PCDHA6: variants seen among roughly 807,000 people sequenced by gnomAD.
The protein encoded by PCDHA6 is protocadherin alpha 6.
Under a neutral mutation model 60.3 loss-of-function variants are expected in PCDHA6, and 55 were observed. That is an observed-to-expected ratio of 0.91 (90% confidence interval 0.73 to 1.14). PCDHA6 has a LOEUF of 1.14. Ranked by LOEUF, PCDHA6 falls within the 50% of genes most tolerant of loss-of-function variation. PCDHA6 has a pLI of 0.00. For synonymous variants in PCDHA6, 652 were observed against 557.9 expected (o/e 1.17, Z -2.38); for missense variants, 1,327 against 1,256.5 (o/e 1.06, Z -0.85).
intron 1 of PCDHA6, chr5:140,850,811 C>T: frequency 6.3e-7 from 1 of 1,598,320 alleles, no homozygotes; most frequent in Non-Finnish European, 8.6e-7. Flanking sequence ...TCATGGCCTT[C>T]AGCCCGGGCC....
intron 1 of PCDHA6, chr5:140,853,641 A>G (rs1211855290): frequency 1.0e-6 from 1 of 988,686 alleles, no homozygotes; most frequent in East Asian, 1.1e-4. Context: ...ACAGACCTAA[A>G]TTGAGCCTGT....
At chr5:140,988,556 C>A (rs574182013) in intron 3 of PCDHA6, among the ~76,000 whole-genome samples, 1 of 152,158 alleles carries the variant, frequency 6.6e-6, no homozygotes, top group South Asian at 2.1e-4. Flanking sequence ...TCTTCATCTT[C>A]TTCTTGGGAA....
Position 140,845,338 on chromosome 5 carries a change from C to T in PCDHA6, c.2394+14853C>T, listed in dbSNP as rs1446184837. Among the ~76,000 whole-genome samples the T allele has an allele frequency of 1.2e-4, 18 of 149,418 alleles. 2 individuals carry two copies. The highest frequency in any genetic ancestry group is 4.4e-4 in the African/African-American group (18 of 40,812). ...GTATTACTTTAATTACTGAATTCTCCTAAACATTTAATTGACTTTTACAAA... is the reference window on the plus strand; with the variant it reads ...GTATTACTTTAATTACTGAATTCTCTTAAACATTTAATTGACTTTTACAAA... On this transcript the variant is annotated intron_variant, in intron 1 of 3. Coordinates refer to ENST00000529310, the MANE Select transcript of PCDHA6 (RefSeq NM_018909.4).
Position 140,959,507 on chromosome 5 carries a change from T to C in PCDHA6, c.2395-19442T>C, listed in dbSNP as rs144994756. 4.4e-3 allele frequency among the ~76,000 whole-genome samples: 673 copies of C among 152,282 alleles called. 7 individuals are homozygous for C. Among genetic ancestry groups the C allele is most frequent in the African/African-American group, 0.015 (604 of 41,550 alleles). On this transcript the variant is annotated intron_variant, in intron 1 of 3. Coordinates refer to ENST00000529310, the MANE Select transcript of PCDHA6 (RefSeq NM_018909.4). Reference sequence around the variant, plus strand: ...GTTATATATGGATCAAACTAAAAAATTTTAAGATCTTTAAGACCATTAATT... The same window carrying C: ...GTTATATATGGATCAAACTAAAAAACTTTAAGATCTTTAAGACCATTAATT...
intron 1 of PCDHA6, among the ~76,000 whole-genome samples, chr5:140,926,200 G>A (rs1050721250): frequency 6.6e-6 from 1 of 151,674 alleles, no homozygotes; most frequent in Non-Finnish European, 1.5e-5. Context: ...ACTTCTTTCG[G>A]GGGGCTCCTG....
chr5:140,967,084 TC>T, intron 1 of PCDHA6: 2 of 1,613,270 alleles, frequency 1.2e-6, no homozygotes, highest in African/African-American at 2.7e-5. Flanking sequence ...AGCGCATTGA[TC>T]GGGAGGCGCT....
chr5:140,946,374 C>T (rs1371899868), intron 1 of PCDHA6, among the ~76,000 whole-genome samples: 5 of 151,656 alleles, frequency 3.3e-5, no homozygotes, highest in African/African-American at 9.7e-5. Flanking sequence ...CTCTTGCACA[C>T]GGTTGGTAGG....
chr5:140,922,498 G>C (rs2080865421), intron 1 of PCDHA6, among the ~76,000 whole-genome samples: 1 of 152,230 alleles, frequency 6.6e-6, no homozygotes, highest in African/African-American at 2.4e-5. Context: ...CTGAGAGTGA[G>C]CAGATGCACC....
At chr5:140,873,113 C>T (rs2054104761) in intron 1 of PCDHA6, among the ~76,000 whole-genome samples, 1 of 152,114 alleles carries the variant, frequency 6.6e-6, no homozygotes, top group Admixed American at 6.5e-5. Flanking sequence ...TACCATTTGG[C>T]ACAATATTCA....
chr5:140,945,516 A>C (rs1192013721), intron 1 of PCDHA6, among the ~76,000 whole-genome samples: 2 of 152,154 alleles, frequency 1.3e-5, no homozygotes, highest in Non-Finnish European at 2.9e-5. Flanking sequence ...AAAGTAAATA[A>C]ATAAATAAAA....
intron 1 of PCDHA6, chr5:140,967,271 A>T (rs1007708043): frequency 6.2e-7 from 1 of 1,613,338 alleles, no homozygotes; most frequent in African/African-American, 1.3e-5. Context: ...GCGCTTTCAC[A>T]TAGAGAGTGC....
chr5:140,848,969 C>G (rs2150427245), intron 1 of PCDHA6: 31 of 1,604,278 alleles, frequency 1.9e-5, no homozygotes, highest in Non-Finnish European at 2.6e-5. Context: ...AGGGCGCGTC[C>G]GATGCAGATA....
At chr5:140,841,506 G>A in intron 1 of PCDHA6, 1 of 1,613,388 alleles carries the variant, frequency 6.2e-7, no homozygotes, top group Non-Finnish European at 8.5e-7. Context: ...CTGGTGCCGC[G>A]CCTGTTCCGG....
intron 1 of PCDHA6, chr5:140,927,842 T>A (rs201721848): frequency 1.9e-6 from 3 of 1,614,140 alleles, no homozygotes; most frequent in Admixed American, 1.7e-5. Context: ...GACGAAGGTG[T>A]CTTTGGTTTA....
At chr5:140,876,166 G>A (rs1554168317) in intron 1 of PCDHA6, 4 of 1,613,964 alleles carry the variant, frequency 2.5e-6, no homozygotes, top group Middle Eastern at 3.3e-4. Flanking sequence ...TCAAATAACC[G>A]TCCTGGATGT....
chr5:140,828,645 A>T lies in PCDHA6; in HGVS notation c.554A>T (p.Asn185Ile). 6.2e-7 allele frequency: 1 copy of T among 1,614,224 alleles called. No homozygotes were observed. Among genetic ancestry groups the T allele is most frequent in the South Asian group, 1.1e-5 (1 of 91,088 alleles). ...SEYFGLDVKINSDDNKQIGLL... is the reference protein window; with the variant it reads ...SEYFGLDVKIISDDNKQIGLL... ...TACTTCGGGCTAGATGTGAAAATAA[A>T]CAGTGATGACAATAAACAAATTGGG... The change falls in exon 1 of 4, where the codon AAC (asparagine) becomes ATC (isoleucine). Residue 185 changes from asparagine to isoleucine, a missense_variant. Physicochemically the swap from Asn to Ile is moderately radical, Grantham distance 149. Coordinates refer to ENST00000529310, the MANE Select transcript of PCDHA6 (RefSeq NM_018909.4).
chr5:140,863,279 T>C, intron 1 of PCDHA6: 1 of 1,461,288 alleles, frequency 6.8e-7, no homozygotes, highest in East Asian at 3.4e-5. Context: ...CTGGTGGATG[T>C]CAACGTGTAC....
chr5:140,926,885 GAGGGA>G (rs782449015), intron 1 of PCDHA6: 1 of 1,543,482 alleles, frequency 6.5e-7, no homozygotes, highest in Non-Finnish European at 8.7e-7. Context: ...TGGACGCCTA[GAGGGA>G]GGATGGTGGG....
In PCDHA6 at chr5:140,830,639, G is replaced by A. The variant is rs1157735992; in HGVS notation, c.2394+154G>A. The A allele has an allele frequency of 8.1e-6, 4 of 496,850 alleles. No homozygotes were observed. In the South Asian group the frequency reaches 1.8e-4, roughly 23 times the overall value. The allele number at this position is 496,850 out of a possible 1,614,324, so 30.8% of individuals were successfully genotyped here. A position where few individuals can be genotyped will look rare whatever the true frequency, so the allele number is the denominator to read the frequency against. ...TTGTGTTTCTTATTTTAATCTCTTT[G>A]CTTCTTTAATATTCATAATTTAAGT... On this transcript the variant is annotated intron_variant, in intron 1 of 3. Coordinates refer to ENST00000529310, the MANE Select transcript of PCDHA6 (RefSeq NM_018909.4).
Sources: allele counts gnomAD v4.1 joint callset (sites outside exome capture counted in the v4.1 genomes callset), GRCh38; gene constraint gnomAD v4.1.1; transcripts MANE v1.5; gene names NCBI Gene and HGNC (gene_info 2026-07-23, HGNC 2026-07-21).